DNTT: variants seen among roughly 807,000 people sequenced by gnomAD.
DNTT encodes the protein nucleosidetriphosphate:DNA deoxynucleotidylexotransferase.
Under a neutral mutation model 60.9 loss-of-function variants are expected in DNTT, and 47 were observed. The observed-to-expected ratio is 0.77, with a 90% CI of 0.61 to 0.98. DNTT has a LOEUF of 0.98. Ranked by LOEUF, DNTT falls within the 50% of genes least tolerant of loss-of-function variation. DNTT has a pLI of 0.00. For synonymous variants in DNTT, 224 were observed against 221.2 expected, an observed-to-expected ratio of 1.01 and a Z score of -0.11; for missense variants, 665 against 627.5, an observed-to-expected ratio of 1.06 and a Z score of -0.64.
At chr10:96,321,652 G>A (rs967417153) in intron 4 of DNTT, among the ~76,000 whole-genome samples, 3 of 152,018 alleles carry the variant, frequency 2.0e-5, no homozygotes, top group African/African-American at 7.3e-5. Flanking sequence ...ATTTTATAGG[G>A]TGACAACTGC....
intron 3 of DNTT, among the ~76,000 whole-genome samples, chr10:96,320,229 T>C (rs943959562): frequency 2.0e-5 from 3 of 152,196 alleles, no homozygotes; most frequent in Admixed American, 6.5e-5. Flanking sequence ...CTGTGTTAAG[T>C]GCTGTGTTTC....
chr10:96,332,323 T>C (rs955845725), intron 8 of DNTT, 28 bp from the exon 9 acceptor site: 1 of 1,606,338 alleles, frequency 6.2e-7, no homozygotes, highest in Non-Finnish European at 8.5e-7. Flanking sequence ...TCAGGGCCTT[T>C]TCCTGATGCC....
intron 1 of DNTT, among the ~76,000 whole-genome samples, chr10:96,313,566 C>T (rs572174122): frequency 4.5e-4 from 68 of 152,238 alleles, no homozygotes; most frequent in Admixed American, 1.8e-3. Flanking sequence ...ATGTAAGCTC[C>T]CCCAGGCTTG....
chr10:96,316,634 C>T (rs1357786541), intron 1 of DNTT, among the ~76,000 whole-genome samples: 1 of 152,180 alleles, frequency 6.6e-6, no homozygotes, highest in Non-Finnish European at 1.5e-5. Flanking sequence ...TCCTTCTGGC[C>T]CCTGACCCTT....
In DNTT at chr10:96,322,762, T is replaced by C. The variant is rs1444458131; in HGVS notation, c.750+34T>C. On this transcript the variant is annotated intron_variant, in intron 5 of 10. Coordinates refer to ENST00000371174, the MANE Select transcript of DNTT (RefSeq NM_004088.4). ...TTTTACATATATTTATTGAAAATTG[T>C]TTTTCAGTTAATCTTATTACTTATT... 4 of 1,504,490 alleles carry C rather than the reference T, an allele frequency of 2.7e-6. No homozygotes were observed. The Admixed American group carries it at 7.3e-5, about 28-fold the overall frequency. 93.2% of individuals were successfully genotyped at this position (1,504,490 alleles called of 1,614,324 possible). A position where few individuals can be genotyped will look rare whatever the true frequency, so the allele number is the denominator to read the frequency against.
chr10:96,338,293 G>T lies in DNTT; in HGVS notation c.*69G>T. ...TAAATTATGCTTCATATTAGTAAAA[G>T]ATGCCATAGGAGAGTTTGGGGTTAT... On this transcript the variant is annotated 3_prime_UTR_variant, in exon 11 of 11. Transcript: ENST00000371174. The T allele has an allele frequency of 1.4e-6, 2 of 1,426,930 alleles. No homozygotes were observed. Among genetic ancestry groups the T allele is most frequent in the South Asian group, 1.3e-5 (1 of 79,034 alleles). 88.4% of individuals were successfully genotyped at this position (1,426,930 alleles called of 1,614,324 possible). A position where few individuals can be genotyped will look rare whatever the true frequency, so the allele number is the denominator to read the frequency against.
chr10:96,306,146 T>G (rs1307881363), intron 1 of DNTT, among the ~76,000 whole-genome samples: 1 of 147,864 alleles, frequency 6.8e-6, no homozygotes, highest in Non-Finnish European at 1.5e-5. Flanking sequence ...CGGGTTGGAG[T>G]GCAGTGGCAC....
intron 7 of DNTT, 95 bp downstream of exon 7, chr10:96,327,695 C>T (rs1844954962): frequency 1.3e-6 from 2 of 1,508,950 alleles, no homozygotes; most frequent in South Asian, 1.3e-5. Context: ...AGGCTGTGAT[C>T]TGGTGCCAGC....
At chr10:96,322,098 C>T (rs1490826016) in intron 4 of DNTT, among the ~76,000 whole-genome samples, 1 of 152,058 alleles carries the variant, frequency 6.6e-6, no homozygotes. Flanking sequence ...AGAGGTTGTG[C>T]TTATTTACTG....
intron 1 of DNTT, among the ~76,000 whole-genome samples, chr10:96,307,685 ATG>A (rs1161709296): frequency 2.5e-5 from 2 of 78,478 alleles, no homozygotes; most frequent in East Asian, 6.5e-4. Flanking sequence ...GCATATATAT[ATG>A]TATGTGTGTG....
At chr10:96,327,632 C>T in intron 7 of DNTT, 32 bp downstream of exon 7, 2 of 1,594,308 alleles carry the variant, frequency 1.3e-6, no homozygotes, top group South Asian at 2.3e-5. Context: ...GCCTCCTCTG[C>T]CCGAATACTT....
intron 1 of DNTT, among the ~76,000 whole-genome samples, chr10:96,309,465 TA>T (rs76142486): frequency 0.09 from 13,060 of 145,066 alleles, 568 homozygotes; most frequent in Non-Finnish European, 0.11. Flanking sequence ...AAGTTTTCTT[TA>T]AAAAAAAAAA....
chr10:96,307,923 C>T (rs1394860572), intron 1 of DNTT, among the ~76,000 whole-genome samples: 1 of 151,740 alleles, frequency 6.6e-6, no homozygotes, highest in African/African-American at 2.4e-5. Flanking sequence ...AGATGCGGGC[C>T]ATGCCCGGCT....
intron 1 of DNTT, among the ~76,000 whole-genome samples, chr10:96,317,469 T>G (rs1392370057): frequency 6.6e-6 from 1 of 152,172 alleles, no homozygotes; most frequent in Non-Finnish European, 1.5e-5. Context: ...ATAATTAATT[T>G]ATTGTTAATA....
intron 9 of DNTT, 55 bp downstream of exon 9, chr10:96,332,651 G>T: frequency 1.3e-6 from 2 of 1,588,092 alleles, no homozygotes; most frequent in South Asian, 1.1e-5. Context: ...GACGTAGGCC[G>T]AGTCTACCTG....
chr10:96,317,967 C>A (rs1844807903), intron 1 of DNTT, among the ~76,000 whole-genome samples: 1 of 152,170 alleles, frequency 6.6e-6, no homozygotes, highest in African/African-American at 2.4e-5. Context: ...CACTGTCAAA[C>A]AAGTTTGAAG....
Position 96,328,823 on chromosome 10 carries a change from A to G in DNTT, c.1106A>G (p.Glu369Gly). 6.2e-7 allele frequency: 1 copy of G among 1,612,220 alleles called. No homozygotes were observed. The highest frequency in any genetic ancestry group is 8.5e-7 in the Non-Finnish European group (1 of 1,179,426). ...TTACAGAAAGTGATGAACTTATGGG[A>G]AAAGAAGGTGAGAAGAAAGATGAAA... Reference protein sequence around the residue: ...QLLQKVMNLWEKKGLLLYYDL... With the variant: ...QLLQKVMNLWGKKGLLLYYDL... The change falls in exon 8 of 11, where the codon GAA (glutamate) becomes GGA (glycine). Residue 369 changes from glutamate to glycine, a missense_variant. Transcript: ENST00000371174.
In DNTT at chr10:96,332,496, G is replaced by A. The variant is rs976285719; in HGVS notation, c.1259G>A (p.Ser420Asn). ...PRQRVDSDQS[S>N]WQEGKTWKAI... ...CAAAGAGTGGACAGTGACCAGTCCA[G>A]CTGGCAGGAAGGAAAGACCTGGAAG... is the stretch of plus-strand genomic sequence containing the variant. The change falls in exon 9 of 11, where the codon AGC (serine) becomes AAC (asparagine). Residue 420 changes from serine (S) to asparagine (N), a missense_variant. Transcript: ENST00000371174. 1.2e-6 allele frequency: 2 copies of A among 1,614,084 alleles called. No individual in the cohort carries two copies. Among genetic ancestry groups the A allele is most frequent in the Non-Finnish European group, 1.7e-6 (2 of 1,180,028 alleles).
chr10:96,307,752 T>C (rs1844660580), intron 1 of DNTT, among the ~76,000 whole-genome samples: 1 of 141,278 alleles, frequency 7.1e-6, no homozygotes, highest in Non-Finnish European at 1.5e-5. Context: ...TATGTGTGTG[T>C]GTGTGCATAT....
Sources: gnomAD v4.1 joint callset for allele counts (sites outside exome capture counted in the v4.1 genomes callset) on GRCh38, gnomAD v4.1.1 for gene constraint, MANE v1.5 for transcripts, NCBI Gene and HGNC (gene_info 2026-07-23, HGNC 2026-07-21) for gene names.